The following ARHGEF11 variants were observed in gnomAD, a reference collection of about 807,000 sequenced individuals.
ARHGEF11 encodes the protein Rho guanine exchange factor (GEF) 11.
Under a neutral mutation model 193.7 loss-of-function variants are expected in ARHGEF11, and 55 were observed. That is an observed-to-expected ratio of 0.28 (90% CI 0.23 to 0.36). ARHGEF11 has a LOEUF of 0.36. Among genes scored for constraint, ARHGEF11 ranks in the 10% least tolerant of loss-of-function variants. The pLI is 1.00. For synonymous variants in ARHGEF11, 693 were observed against 768.0 expected (o/e 0.90, Z 1.62); for missense variants, 1,723 against 2,005.6 (o/e 0.86, Z 2.69).
At chr1:156,967,821 T>G (rs1661909299) in intron 11 of ARHGEF11, 166 bp downstream of exon 11, 1 of 831,866 alleles carries the variant, frequency 1.2e-6, no homozygotes, top group African/African-American at 1.7e-5. Context: ...TATGCCATGT[T>G]CTCTTTCTTT....
chr1:156,969,183 C>T (rs2102281779), intron 10 of ARHGEF11, 99 bp downstream of exon 10: 1 of 971,846 alleles, frequency 1.0e-6, no homozygotes, highest in Non-Finnish European at 1.6e-6. Flanking sequence ...GGAAGAGGCA[C>T]ACAGAGGCCT....
chr1:156,980,490 T>A lies in ARHGEF11; in HGVS notation c.224-4A>T. The A allele has an allele frequency of 6.3e-7, 1 of 1,592,268 alleles. No individual in the cohort carries two copies. The highest frequency in any genetic ancestry group is 8.6e-7 in the Non-Finnish European group (1 of 1,168,110). ...CCGGCCTTCATGGCTGCACCTCCTG[T>A]AAGGAGAAGGCCTGGTCAGCAGTGC... is the stretch of plus-strand genomic sequence containing the variant. On this transcript the variant is annotated splice_polypyrimidine_tract_variant and splice_region_variant and intron_variant, in intron 3 of 40. Transcript: ENST00000368194.
intron 15 of ARHGEF11, 53 bp downstream of exon 15, chr1:156,960,365 T>A: frequency 6.3e-7 from 1 of 1,591,392 alleles, no homozygotes; most frequent in Non-Finnish European, 8.6e-7. Flanking sequence ...TCCTGAGAGC[T>A]CAGGACAAGA....
At chr1:157,007,913 G>GGT (rs1668029332) in intron 1 of ARHGEF11, among the ~76,000 whole-genome samples, 1 of 118,846 alleles carries the variant, frequency 8.4e-6, no homozygotes, top group African/African-American at 3.1e-5. Context: ...TTTTTTTTTT[G>GGT]TTTTTTTTTT....
At chr1:156,979,050 A>G (rs1043453922) in intron 5 of ARHGEF11, among the ~76,000 whole-genome samples, 179 bp downstream of exon 5, 1 of 152,256 alleles carries the variant, frequency 6.6e-6, no homozygotes, top group Non-Finnish European at 1.5e-5. Flanking sequence ...TTGAAGTAAT[A>G]GGGAATTGTG....
intron 15 of ARHGEF11, 136 bp downstream of exon 15, chr1:156,960,282 C>T (rs1347465874): frequency 1.3e-6 from 1 of 787,534 alleles, no homozygotes; most frequent in African/African-American, 1.7e-5. Flanking sequence ...AGCAATCATC[C>T]CATGGGTCTT....
At chr1:156,979,890 C>G (rs895944180) in intron 4 of ARHGEF11, among the ~76,000 whole-genome samples, 4 of 152,232 alleles carry the variant, frequency 2.6e-5, no homozygotes, top group African/African-American at 9.6e-5. Context: ...TTGCTTCACA[C>G]ACATGTGAAT....
chr1:156,984,953 G>A (rs1036517422), intron 2 of ARHGEF11, among the ~76,000 whole-genome samples: 1 of 151,542 alleles, frequency 6.6e-6, no homozygotes, highest in Non-Finnish European at 1.5e-5. Flanking sequence ...CCAAATCTAG[G>A]GAAGGACACA....
In ARHGEF11 at chr1:156,948,051, C is replaced by T; in HGVS notation, c.2154-95G>A. On this transcript the variant is annotated intron_variant, in intron 24 of 40. Coordinates refer to ENST00000368194, the MANE Select transcript of ARHGEF11 (RefSeq NM_198236.3). The surrounding 1 kb of genome is among the most constrained non-coding windows in gnomAD (Gnocchi z 4.2). ...TCCTGCCCGACCTGCTTGCCCCATG[C>T]ACATGGGAAACCAGTGGGCCCAGAA... 6.5e-7 allele frequency: 1 copy of T among 1,545,404 alleles called. No individual in the cohort carries two copies. The highest frequency in any genetic ancestry group is 8.8e-7 in the Non-Finnish European group (1 of 1,138,514).
At chr1:157,004,499 G>A (rs1667581340) in intron 1 of ARHGEF11, among the ~76,000 whole-genome samples, 1 of 152,088 alleles carries the variant, frequency 6.6e-6, no homozygotes, top group Admixed American at 6.6e-5. Flanking sequence ...GCAGTCTCCT[G>A]GCCTCTCCCT....
rs1658011368 is a variant in ARHGEF11, at chr1:156,945,862, C to T, written c.2812+183G>A. ...CCCCTACTCCTCCCACTATTAAACA[C>T]CTTATATTTTCCAAAGGACATTTAC... is the stretch of plus-strand genomic sequence containing the variant. On this transcript the variant is annotated intron_variant, in intron 29 of 40. Coordinates refer to ENST00000368194, the MANE Select transcript of ARHGEF11 (RefSeq NM_198236.3). The T allele has an allele frequency of 7.0e-6, 4 of 571,428 alleles. No homozygotes were observed. The South Asian group carries it at 8.6e-5, about 12-fold the overall frequency. 35.4% of individuals were successfully genotyped at this position (571,428 alleles called of 1,614,324 possible).
chr1:156,949,269 G>T (rs975072570), intron 22 of ARHGEF11, among the ~76,000 whole-genome samples: 7 of 152,158 alleles, frequency 4.6e-5, no homozygotes, highest in Non-Finnish European at 7.3e-5. Flanking sequence ...TGATGACTGG[G>T]TGTTGCGGTG....
At chr1:156,936,288 G>A (rs988219163) in intron 40 of ARHGEF11, 2 of 712,914 alleles carry the variant, frequency 2.8e-6, no homozygotes, top group African/African-American at 3.5e-5. Flanking sequence ...CCTGAGTTAT[G>A]ACATAGCTGT....
chr1:156,938,462 G>C lies in ARHGEF11; in HGVS notation c.4148C>G (p.Ser1383Ter), dbSNP rs747046036. Residue 1383 changes from serine (S) to a stop codon, truncating the protein, a stop_gained, in exon 38 of 41, where the codon TCA becomes TGA. Coordinates refer to ENST00000368194, the MANE Select transcript of ARHGEF11 (RefSeq NM_198236.3). LOFTEE classifies it high-confidence loss of function. ...TTCCACTTCAGGTGGCCCAGGCTCT[G>C]ACTGGCCACTCTCTGGTAGTGCAGG... The part of the protein sequence containing the change: ...VVPALPESGQ[S>*]EPGPPEVEGG... 6.2e-7 allele frequency: 1 copy of C among 1,613,974 alleles called. No individual in the cohort carries two copies. The highest frequency in any genetic ancestry group is 8.5e-7 in the Non-Finnish European group (1 of 1,179,922).
chr1:156,967,315 T>C (rs1444492932), intron 11 of ARHGEF11, among the ~76,000 whole-genome samples: 1 of 152,246 alleles, frequency 6.6e-6, no homozygotes, highest in African/African-American at 2.4e-5. Flanking sequence ...TGAACGTTGT[T>C]AGACACGGTT....
At chr1:157,005,646 C>A (rs545677105) in intron 1 of ARHGEF11, among the ~76,000 whole-genome samples, 220 of 152,302 alleles carry the variant, frequency 1.4e-3, no homozygotes, top group African/African-American at 5.0e-3. Flanking sequence ...TTTAGCCTCT[C>A]CTAACTTCAA....
chr1:157,003,462 A>G (rs1439262572), intron 1 of ARHGEF11, among the ~76,000 whole-genome samples: 1 of 152,270 alleles, frequency 6.6e-6, no homozygotes, highest in East Asian at 1.9e-4. Context: ...GATTCTGCTA[A>G]CATACACTAA....
At position 156,941,357 on chromosome 1, in the gene ARHGEF11, G is replaced by A. The variant is rs373927910; in HGVS notation, c.3514+15C>T. ...GGCCTGGGCTGGCTCCCACAGGACA[G>A]TTCAGGGCCCTTACCTCCAGGCAGC... On this transcript the variant is annotated intron_variant, in intron 35 of 40. Transcript: ENST00000368194. The A allele has an allele frequency of 6.2e-7, 1 of 1,613,562 alleles. No homozygotes were observed. The highest frequency in any genetic ancestry group is 8.5e-7 in the Non-Finnish European group (1 of 1,179,714).
chr1:156,986,894 G>A (rs1479929985), intron 1 of ARHGEF11, among the ~76,000 whole-genome samples: 1 of 152,200 alleles, frequency 6.6e-6, no homozygotes, highest in Non-Finnish European at 1.5e-5. Context: ...TACCATGGGA[G>A]GACAGGAATC....
Sources: gnomAD v4.1 joint callset for allele counts (sites outside exome capture counted in the v4.1 genomes callset) on GRCh38, gnomAD v4.1.1 for gene constraint, Gnocchi (gnomAD v3.1) non-coding constraint, MANE v1.5 for transcripts, NCBI Gene and HGNC (gene_info 2026-07-23, HGNC 2026-07-21) for gene names.